CADM2: variants seen among roughly 807,000 people sequenced by gnomAD.
CADM2 encodes cell adhesion molecule 2.
A neutral mutation model predicts 49.8 loss-of-function variants in CADM2; 12 were observed. That is an observed-to-expected ratio of 0.24 (90% confidence interval 0.15 to 0.39). The LOEUF (loss-of-function observed/expected upper bound fraction) is 0.39, where lower values mean the gene tolerates loss of function less well. CADM2 is among the 10% of genes least tolerant of loss of function. The probability of loss-of-function intolerance (pLI) is 1.00; values close to 1 mark genes in which losing one functional copy is unlikely to be tolerated. For synonymous variants in CADM2, 214 were observed against 175.4 expected (o/e 1.22, Z -1.74); for missense variants, 378 against 492.3 (o/e 0.77, Z 2.20).
chr3:85,301,773 G>A (rs907056432), intron 1 of CADM2, among the ~76,000 whole-genome samples: 17 of 152,120 alleles, frequency 1.1e-4, no homozygotes, highest in Admixed American at 5.3e-4. Flanking sequence ...TAGGAAAAAT[G>A]TCTTATGATA....
rs149108016 is a variant in CADM2 at position 85,756,774 on chromosome 3, C to T, written c.88+30226C>T. On this transcript the variant is annotated intron_variant, in intron 2 of 9. Coordinates refer to ENST00000383699, the MANE Select transcript of CADM2 (RefSeq NM_001167675.2). ...CTTTTTAATCCAATTTGAACAGTAT[C>T]GAATAGTTTTTTGTGTGACAGAAAA... 2.7e-4 allele frequency among the ~76,000 whole-genome samples: 41 copies of T among 152,066 alleles called. No homozygotes were observed. In the East Asian group the frequency reaches 4.6e-3, roughly 17 times the overall value.
At chr3:85,813,530 T>A (rs1359106442) in intron 3 of CADM2, among the ~76,000 whole-genome samples, 3 of 152,074 alleles carry the variant, frequency 2.0e-5, no homozygotes, top group African/African-American at 4.8e-5. Flanking sequence ...TGTGCAGAAG[T>A]TCTTTAGTTT....
At chr3:86,024,056 A>T (rs1453955821) in intron 8 of CADM2, among the ~76,000 whole-genome samples, 1 of 152,208 alleles carries the variant, frequency 6.6e-6, no homozygotes, top group Non-Finnish European at 1.5e-5. Flanking sequence ...CCAAAGAAAT[A>T]TTTACAATTT....
intron 8 of CADM2, among the ~76,000 whole-genome samples, chr3:85,973,804 T>G (rs539073978): frequency 1.3e-5 from 2 of 151,828 alleles, no homozygotes; most frequent in African/African-American, 2.4e-5. Flanking sequence ...ATGGAAGCAT[T>G]ATTGGTCATG....
chr3:85,976,876 T>C (rs1022843235), intron 8 of CADM2, among the ~76,000 whole-genome samples: 10 of 151,578 alleles, frequency 6.6e-5, no homozygotes, highest in African/African-American at 2.4e-4. Context: ...GGATGTTGTT[T>C]TGAAGTGGAT....
intron 8 of CADM2, among the ~76,000 whole-genome samples, chr3:85,975,777 G>A (rs1382781271): frequency 6.6e-6 from 1 of 151,482 alleles, no homozygotes; most frequent in African/African-American, 2.4e-5. Context: ...CTCATCTTTT[G>A]CAATGTTGAA....
At chr3:85,768,159 T>C (rs2069761489) in intron 2 of CADM2, among the ~76,000 whole-genome samples, 1 of 152,074 alleles carries the variant, frequency 6.6e-6, no homozygotes, top group Non-Finnish European at 1.5e-5. Flanking sequence ...TAAAATATAT[T>C]TTACTGGCCG....
intron 1 of CADM2, among the ~76,000 whole-genome samples, chr3:85,438,946 C>T (rs1471498897): frequency 6.6e-6 from 1 of 151,612 alleles, no homozygotes; most frequent in Non-Finnish European, 1.5e-5. Flanking sequence ...CCTCGGCCTC[C>T]CAAAGTGCTG....
At chr3:85,704,858 T>C (rs1348668178) in intron 1 of CADM2, among the ~76,000 whole-genome samples, 1 of 149,576 alleles carries the variant, frequency 6.7e-6, no homozygotes, top group African/African-American at 2.4e-5. Context: ...TTATTTATTA[T>C]TATTATTATT....
chr3:85,821,892 TG>T (rs1198205834), intron 3 of CADM2, among the ~76,000 whole-genome samples: 1 of 152,176 alleles, frequency 6.6e-6, no homozygotes, highest in Non-Finnish European at 1.5e-5. Context: ...AAAATAAAAA[TG>T]TATGTATTTG....
intron 1 of CADM2, among the ~76,000 whole-genome samples, chr3:85,511,554 A>G (rs181380988): frequency 5.5e-4 from 84 of 152,192 alleles, no homozygotes; most frequent in African/African-American, 1.9e-3. Context: ...AATTCCACCA[A>G]TGTTTTTTAT....
intron 8 of CADM2, among the ~76,000 whole-genome samples, chr3:86,060,167 C>A (rs1336676098): frequency 6.6e-6 from 1 of 151,018 alleles, no homozygotes; most frequent in Non-Finnish European, 1.5e-5. Context: ...CAATAATGAA[C>A]ATGATAAATT....
At chr3:85,644,732 G>A (rs1254480648) in intron 1 of CADM2, among the ~76,000 whole-genome samples, 17 of 152,172 alleles carry the variant, frequency 1.1e-4, no homozygotes, top group African/African-American at 3.9e-4. Context: ...AAATTAAATA[G>A]GGAAGTAAGT....
intron 1 of CADM2, among the ~76,000 whole-genome samples, chr3:85,679,116 A>G (rs1207541703): frequency 3.3e-5 from 5 of 152,298 alleles, no homozygotes; most frequent in Admixed American, 3.3e-4. Context: ...AATTAAATAT[A>G]TAGTATTAAA....
intron 1 of CADM2, among the ~76,000 whole-genome samples, chr3:85,676,695 AC>A (rs1166544553): frequency 3.3e-5 from 5 of 152,150 alleles, no homozygotes; most frequent in African/African-American, 4.8e-5. Flanking sequence ...CATTAAAAAA[AC>A]ATGCGTAATA....
At chr3:85,353,230 C>T (rs1433712) in intron 1 of CADM2, among the ~76,000 whole-genome samples, 138,769 of 151,116 alleles carry the variant, frequency 0.92, 63,833 homozygotes, top group Non-Finnish European at 0.97. Flanking sequence ...GTCAGTGACT[C>T]TTATAACTTA....
chr3:84,970,146 G>A (rs1043452917), intron 1 of CADM2, among the ~76,000 whole-genome samples: 1 of 149,592 alleles, frequency 6.7e-6, no homozygotes, highest in African/African-American at 2.5e-5. Flanking sequence ...CAGTTAACTG[G>A]AAGAGATTCT....
intron 1 of CADM2, among the ~76,000 whole-genome samples, chr3:85,675,936 A>G (rs1003988525): frequency 6.6e-6 from 1 of 152,240 alleles, no homozygotes; most frequent in Non-Finnish European, 1.5e-5. Flanking sequence ...AAACTCCTGC[A>G]TATTTTAACT....
intron 1 of CADM2, among the ~76,000 whole-genome samples, chr3:85,671,693 T>C (rs1190797160): frequency 6.6e-6 from 1 of 152,172 alleles, no homozygotes; most frequent in Non-Finnish European, 1.5e-5. Context: ...CCAGGACCTT[T>C]GCACTTGTTG....
Sources: allele counts gnomAD v4.1 joint callset (sites outside exome capture counted in the v4.1 genomes callset), GRCh38; gene constraint gnomAD v4.1.1; transcripts MANE v1.5; gene names NCBI Gene and HGNC (gene_info 2026-07-23, HGNC 2026-07-21).